The following TMEM232 variants were observed in gnomAD, a reference collection of about 807,000 sequenced individuals.
TMEM232 encodes transmembrane protein 232.
A neutral mutation model predicts 78.8 loss-of-function variants in TMEM232; 80 were observed. That is an observed-to-expected ratio of 1.01 (90% CI 0.85 to 1.22). TMEM232 has a LOEUF of 1.22. Ranked by LOEUF, TMEM232 falls within the 50% of genes most tolerant of loss-of-function variation. The probability of loss-of-function intolerance (pLI) is 0.00; values close to 1 mark genes in which losing one functional copy is unlikely to be tolerated. For missense variants in TMEM232, 881 were observed against 742.2 expected (o/e 1.19, Z -2.17); for synonymous variants, 297 against 254.3 (o/e 1.17, Z -1.60).
At chr5:110,492,086 GAAT>G (rs1765164445) in intron 12 of TMEM232, among the ~76,000 whole-genome samples, 1 of 151,644 alleles carries the variant, frequency 6.6e-6, no homozygotes. Context: ...AACCTTGAGA[GAAT>G]AATACCTAAT....
intron 1 of TMEM232, among the ~76,000 whole-genome samples, chr5:110,701,755 C>G (rs1795460442): frequency 6.6e-6 from 1 of 151,918 alleles, no homozygotes; most frequent in Non-Finnish European, 1.5e-5. Context: ...GCTGACCATG[C>G]TGAGCTAAAT....
chr5:110,499,771 C>A (rs963068682), intron 12 of TMEM232, among the ~76,000 whole-genome samples: 3 of 151,796 alleles, frequency 2.0e-5, no homozygotes, highest in African/African-American at 7.3e-5. Context: ...TTTGACAGAA[C>A]AAAAAGGTGA....
intron 1 of TMEM232, among the ~76,000 whole-genome samples, chr5:110,686,360 C>G (rs566067425): frequency 2.0e-5 from 3 of 151,928 alleles, no homozygotes; most frequent in Non-Finnish European, 4.4e-5. Context: ...TATAGAGGAT[C>G]AGGTTTATAG....
rs368560123 is a variant in TMEM232 at position 110,587,155 on chromosome 5, G to A, written c.1276+17954C>T. On this transcript the variant is annotated intron_variant, in intron 10 of 13. Transcript: ENST00000455884. ...TATTTTAGCAGATCAACATAATGAG[G>A]CATTATATATGTATGTGTGTGTGTA... Among the ~76,000 whole-genome samples the A allele has an allele frequency of 1.1e-3, 163 of 152,040 alleles. 3 individuals are homozygous for A. The South Asian group carries it at 0.033, about 30-fold the overall frequency.
At chr5:110,649,473 A>C (rs1336387245) in intron 2 of TMEM232, among the ~76,000 whole-genome samples, 2 of 152,094 alleles carry the variant, frequency 1.3e-5, no homozygotes, top group African/African-American at 4.8e-5. Context: ...TATACTTTTA[A>C]TTACAAGAGT....
At chr5:110,727,295 A>G (rs940758001), upstream of TMEM232, among the ~76,000 whole-genome samples, 2 of 152,220 alleles carry the variant, frequency 1.3e-5, 1 homozygote, top group South Asian at 4.1e-4. Flanking sequence ...ATATGGAAGA[A>G]TGGGGAAGGG....
In TMEM232 at chr5:110,693,659, A is replaced by G. The variant is rs531641570; in HGVS notation, c.-12-26295T>C. 3.9e-5 allele frequency among the ~76,000 whole-genome samples: 6 copies of G among 152,352 alleles called. No homozygotes were observed. In the South Asian group the frequency reaches 1.0e-3, roughly 26 times the overall value. ...GGCACAACAACTACGTGACGAATCC[A>G]CAAGCCTCAGTAGCCGATGTGATCA... On this transcript the variant is annotated intron_variant, in intron 1 of 13. Coordinates refer to ENST00000455884, the MANE Select transcript of TMEM232 (RefSeq NM_001039763.4).
intron 12 of TMEM232, among the ~76,000 whole-genome samples, chr5:110,429,161 C>T (rs911825954): frequency 2.6e-4 from 39 of 151,736 alleles, no homozygotes; most frequent in Non-Finnish European, 4.1e-4. Context: ...CAGCCATTCA[C>T]GGTATACCGG....
At chr5:110,523,100 C>A (rs1220921112) in intron 12 of TMEM232, among the ~76,000 whole-genome samples, 7 of 152,130 alleles carry the variant, frequency 4.6e-5, no homozygotes. Flanking sequence ...TAAGTATGTT[C>A]AGACTTTGTA....
At chr5:110,728,524 TAG>T (rs567726565), upstream of TMEM232, among the ~76,000 whole-genome samples, 8 of 151,772 alleles carry the variant, frequency 5.3e-5, no homozygotes, top group Non-Finnish European at 1.2e-4. Context: ...GGTATAACCT[TAG>T]AGTCACAATA....
At chr5:110,546,574 A>G (rs1773806625) in intron 11 of TMEM232, among the ~76,000 whole-genome samples, 2 of 152,126 alleles carry the variant, frequency 1.3e-5, no homozygotes, top group South Asian at 4.1e-4. Context: ...AAGAATTAGG[A>G]AAGGAGAGGA....
intron 2 of TMEM232, among the ~76,000 whole-genome samples, chr5:110,656,302 T>C (rs561507814): frequency 2.7e-4 from 41 of 152,320 alleles, no homozygotes; most frequent in African/African-American, 9.6e-4. Context: ...TCTGCCAAGC[T>C]GGCCATTTTA....
Position 110,683,833 on chromosome 5 carries a change from A to G in TMEM232, c.-12-16469T>C, listed in dbSNP as rs375535117. On this transcript the variant is annotated intron_variant, in intron 1 of 13. Transcript: ENST00000455884. The stretch of plus-strand genomic sequence containing the variant: ...AAGAAAACCATACCTAGGGATATCA[A>G]TAAAAAAGAATTCATTATAACGGAG... Among the ~76,000 whole-genome samples the G allele has an allele frequency of 8.5e-5, 13 of 152,172 alleles. 2 individuals carry two copies. Among genetic ancestry groups the G allele is most frequent in the East Asian group, 5.8e-4 (3 of 5,182 alleles).
chr5:110,586,587 C>T (rs1179681122), intron 10 of TMEM232, among the ~76,000 whole-genome samples: 2 of 151,870 alleles, frequency 1.3e-5, no homozygotes, highest in Non-Finnish European at 2.9e-5. Flanking sequence ...CACACACACA[C>T]ACACACAATT....
chr5:110,527,652 C>T (rs533372591), intron 12 of TMEM232, among the ~76,000 whole-genome samples: 2 of 151,758 alleles, frequency 1.3e-5, no homozygotes, highest in Non-Finnish European at 3.0e-5. Flanking sequence ...GTACAATGAA[C>T]AACAACAACA....
chr5:110,401,249 T>A (rs193035216), intron 2 of TMEM232, among the ~76,000 whole-genome samples: 2 of 151,870 alleles, frequency 1.3e-5, no homozygotes, highest in Admixed American at 6.6e-5. Flanking sequence ...TAAAACACAA[T>A]AGCATAAAGG....
Position 110,551,406 on chromosome 5 carries a change from G to T in TMEM232, c.1455+17041C>A, listed in dbSNP as rs975333540. Reference sequence around the variant, plus strand: ...CCTGGCTAATTTTTTCTTTTTTTTAGTAGAGATGGGGTTTCACCATCTTGG... The same window carrying T: ...CCTGGCTAATTTTTTCTTTTTTTTATTAGAGATGGGGTTTCACCATCTTGG... On this transcript the variant is annotated intron_variant, in intron 11 of 13. Transcript: ENST00000455884. Among the ~76,000 whole-genome samples, 17 of 150,724 alleles carry T rather than the reference G, an allele frequency of 1.1e-4. 1 individual carries two copies. The highest frequency in any genetic ancestry group is 9.2e-4 in the Admixed American group (14 of 15,136).
intron 13 of TMEM232, among the ~76,000 whole-genome samples, chr5:110,422,641 A>C (rs1481945905): frequency 6.6e-6 from 1 of 152,102 alleles, no homozygotes; most frequent in Non-Finnish European, 1.5e-5. Flanking sequence ...GCATCAGTAC[A>C]TATAAAAGCA....
intron 12 of TMEM232, among the ~76,000 whole-genome samples, chr5:110,516,228 G>A (rs937684817): frequency 1.3e-5 from 2 of 152,082 alleles, no homozygotes; most frequent in African/African-American, 4.8e-5. Flanking sequence ...AACAGAGGAA[G>A]ACTCTGTCCC....
Sources: allele counts gnomAD v4.1 joint callset (sites outside exome capture counted in the v4.1 genomes callset), GRCh38; gene constraint gnomAD v4.1.1; transcripts MANE v1.5; gene names NCBI Gene and HGNC (gene_info 2026-07-23, HGNC 2026-07-21).